The following SMYD2 variants were observed in gnomAD, a reference collection of about 807,000 sequenced individuals.
SMYD2 encodes N-lysine methyltransferase SMYD2.
In SMYD2, 53 loss-of-function variants were observed where a neutral mutation model predicts 59.1. The ratio of observed to expected loss-of-function variants is 0.90; its 90% CI spans 0.72 to 1.13. SMYD2 has a LOEUF of 1.13. Ranked by LOEUF, SMYD2 falls within the 50% of genes most tolerant of loss-of-function variation. SMYD2 has a pLI of 0.00. For synonymous variants in SMYD2, 208 were observed against 198.8 expected (o/e 1.05, Z -0.39); for missense variants, 494 against 544.7 (o/e 0.91, Z 0.93).
chr1:214,310,192 C>T (rs957170955), intron 2 of SMYD2, among the ~76,000 whole-genome samples: 1 of 152,188 alleles, frequency 6.6e-6, no homozygotes, highest in Non-Finnish European at 1.5e-5. Flanking sequence ...GCTGGTGCAC[C>T]ATGAGACAAT....
At chr1:214,314,467 T>C (rs1657049036) in intron 2 of SMYD2, among the ~76,000 whole-genome samples, 1 of 152,136 alleles carries the variant, frequency 6.6e-6, no homozygotes, top group Non-Finnish European at 1.5e-5. Flanking sequence ...TGGAAAGATG[T>C]ATGTGTTGTT....
intron 1 of SMYD2, among the ~76,000 whole-genome samples, chr1:214,281,954 C>T (rs955863965): frequency 6.6e-6 from 1 of 152,202 alleles, no homozygotes; most frequent in Non-Finnish European, 1.5e-5. Context: ...TTAAAGTACG[C>T]TTACATGGGT....
At chr1:214,288,218 CT>C (rs1257183134) in intron 1 of SMYD2, among the ~76,000 whole-genome samples, 1 of 152,224 alleles carries the variant, frequency 6.6e-6, no homozygotes, top group Admixed American at 6.5e-5. Context: ...TCATATTGCT[CT>C]TTGCAGCCCA....
chr1:214,318,087 C>T lies in SMYD2; in HGVS notation c.357C>T (p.His119=), dbSNP rs554801478. ...TARILAKQKI[H]PERTPSEKLL... is the part of the protein sequence containing the mutation. ...TCTTCCCCAATTGCTAGAAAATCCA[C>T]CCAGAGAGAACACCTTCGGAAAAAT... The change falls in exon 4 of 12, where the codon CAC becomes CAT. Residue 119 remains histidine, a synonymous_variant. Coordinates refer to ENST00000366957, the MANE Select transcript of SMYD2 (RefSeq NM_020197.3). This position sits in a 1 kb window ranked among gnomAD's most constrained non-coding sequence, Gnocchi z 5.4. 1.2e-5 allele frequency: 19 copies of T among 1,613,724 alleles called. No individual in the cohort carries two copies. Among genetic ancestry groups the T allele is most frequent in the Non-Finnish European group, 1.6e-5 (19 of 1,179,894 alleles).
At chr1:214,330,865 G>T in intron 8 of SMYD2, 85 bp from the exon 9 acceptor site, 1 of 1,594,132 alleles carries the variant, frequency 6.3e-7, no homozygotes, top group South Asian at 1.1e-5. Context: ...ACCGCTGTGT[G>T]GGAATGTGTA....
chr1:214,334,151 G>T, intron 10 of SMYD2, 49 bp from the exon 11 acceptor site: 1 of 1,555,554 alleles, frequency 6.4e-7, no homozygotes, highest in Non-Finnish European at 8.9e-7. Flanking sequence ...CTGTGGGGCG[G>T]CTCAGTAGCC....
At chr1:214,331,206 T>A in intron 9 of SMYD2, 136 bp downstream of exon 9, 1 of 1,290,868 alleles carries the variant, frequency 7.7e-7, no homozygotes, top group Non-Finnish European at 1.1e-6. Context: ...AGTAAATGTG[T>A]AAAGGCGTAC....
chr1:214,330,070 C>G lies in SMYD2; in HGVS notation c.706-98C>G, dbSNP rs963737373. 1.3e-5 allele frequency: 9 copies of G among 712,944 alleles called. No individual in the cohort carries two copies. In the African/African-American group the frequency reaches 1.6e-4, roughly 13 times the overall value. The allele number at this position is 712,944 out of a possible 1,614,324, so 44.2% of individuals were successfully genotyped here. ...TTCCTCCGCTGCAGCCCGCCTTATC[C>G]TCTGCATGGGCCCTGCAGGTGACTG... On this transcript the variant is annotated intron_variant, in intron 7 of 11. Transcript: ENST00000366957.
At chr1:214,293,382 A>G (rs1471836333) in intron 1 of SMYD2, among the ~76,000 whole-genome samples, 1 of 152,154 alleles carries the variant, frequency 6.6e-6, no homozygotes, top group African/African-American at 2.4e-5. Context: ...ACTTCAGCCC[A>G]CACAGCTTTC....
chr1:214,283,349 C>T (rs1377371769), intron 1 of SMYD2, among the ~76,000 whole-genome samples: 1 of 152,190 alleles, frequency 6.6e-6, no homozygotes, highest in Non-Finnish European at 1.5e-5. Context: ...GGTCCCTCAC[C>T]AGGGCTGCAA....
At chr1:214,332,648 C>G (rs751492270) in intron 10 of SMYD2, 1 of 153,428 alleles carries the variant, frequency 6.5e-6, no homozygotes, top group South Asian at 2.1e-4. Flanking sequence ...GTGGGTTGAC[C>G]GTGGTTATCT....
Position 214,318,675 on chromosome 1 carries a change from T to G in SMYD2, c.410-184T>G, listed in dbSNP as rs1379926719. Among the ~76,000 whole-genome samples the G allele has an allele frequency of 6.6e-6, 1 of 152,032 alleles. No homozygotes were observed. Among genetic ancestry groups the G allele is most frequent in the Non-Finnish European group, 1.5e-5 (1 of 68,020 alleles). ...AGAAGGAAGAAATGGCTTGCTTTCTTTCCTTAGGGTTTGTCAGTTAAACCA... is the reference window on the plus strand; with the variant it reads ...AGAAGGAAGAAATGGCTTGCTTTCTGTCCTTAGGGTTTGTCAGTTAAACCA... On this transcript the variant is annotated intron_variant, in intron 4 of 11. Coordinates refer to ENST00000366957, the MANE Select transcript of SMYD2 (RefSeq NM_020197.3). This position sits in a 1 kb window ranked among gnomAD's most constrained non-coding sequence, Gnocchi z 5.4.
At chr1:214,290,742 T>C (rs1183133240) in intron 1 of SMYD2, among the ~76,000 whole-genome samples, 2 of 152,170 alleles carry the variant, frequency 1.3e-5, no homozygotes, top group South Asian at 2.1e-4. Context: ...TACAGGTTTT[T>C]ATTAGAGCCA....
chr1:214,336,747 A>G lies in SMYD2; in HGVS notation c.1265A>G (p.Tyr422Cys), dbSNP rs150328399. ...GTAGCTCACGGCAAAGATCATCCAT[A>G]TATTTCTGAGATCAAACAGGAAATT... ...MEVAHGKDHPYISEIKQEIES... is the reference protein window; with the variant it reads ...MEVAHGKDHPCISEIKQEIES... The change falls in exon 12 of 12, where the codon TAT (tyrosine) becomes TGT (cysteine). Residue 422 changes from tyrosine (Y) to cysteine (C), a missense_variant. By Grantham distance (194) the Tyr-to-Cys change is radical. Transcript: ENST00000366957. The G allele has an allele frequency of 1.9e-6, 3 of 1,613,848 alleles. No individual in the cohort carries two copies. Among genetic ancestry groups the G allele is most frequent in the Non-Finnish European group, 2.5e-6 (3 of 1,179,968 alleles).
intron 5 of SMYD2, among the ~76,000 whole-genome samples, chr1:214,322,045 C>G (rs1373414842): frequency 6.6e-6 from 1 of 152,118 alleles, no homozygotes; most frequent in African/African-American, 2.4e-5. Flanking sequence ...TCTGACTGGT[C>G]TAAGTGGGCT....
intron 1 of SMYD2, among the ~76,000 whole-genome samples, chr1:214,301,647 A>G (rs116560893): frequency 6.7e-4 from 102 of 152,068 alleles, no homozygotes; most frequent in African/African-American, 2.2e-3. Flanking sequence ...CTCAAATTTT[A>G]TCATTGGCAA....
In SMYD2 at chr1:214,327,873, A is replaced by C. The variant is rs1657288592; in HGVS notation, c.705+149A>C. On this transcript the variant is annotated intron_variant, in intron 7 of 11. Transcript: ENST00000366957. The stretch of plus-strand genomic sequence containing the variant: ...TGAGTCTGCCCTCAGGCTCTCCAGG[A>C]GTCAGTGATCAGATTTGTAACCTGT... 5 of 623,434 alleles carry C rather than the reference A, an allele frequency of 8.0e-6. No individual in the cohort carries two copies. In the South Asian group the frequency reaches 1.0e-4, roughly 13 times the overall value. 38.6% of individuals were successfully genotyped at this position (623,434 alleles called of 1,614,324 possible). A position where few individuals can be genotyped will look rare whatever the true frequency, so the allele number is the denominator to read the frequency against.
chr1:214,314,235 C>T (rs1018826275), intron 2 of SMYD2, among the ~76,000 whole-genome samples: 2 of 152,024 alleles, frequency 1.3e-5, no homozygotes, highest in Non-Finnish European at 2.9e-5. Context: ...TTGGGAAGTC[C>T]TAACTATTCC....
Position 214,332,095 on chromosome 1 carries a change from A to G in SMYD2, c.1015A>G (p.Met339Val). The change falls in exon 10 of 12, where the codon ATG (methionine) becomes GTG (valine). Residue 339 changes from methionine (M) to valine (V), a missense_variant. Coordinates refer to ENST00000366957, the MANE Select transcript of SMYD2 (RefSeq NM_020197.3). Reference sequence around the variant, plus strand: ...TGTGTTTGAGGACAGTAACGTGTACATGTTGCACATGATGTACCAGGCCAT... The same window carrying G: ...TGTGTTTGAGGACAGTAACGTGTACGTGTTGCACATGATGTACCAGGCCAT... ...SSVFEDSNVYMLHMMYQAMGV... is the reference protein window; with the variant it reads ...SSVFEDSNVYVLHMMYQAMGV... 6.2e-7 allele frequency: 1 copy of G among 1,614,168 alleles called. No homozygotes were observed. The highest frequency in any genetic ancestry group is 1.1e-5 in the South Asian group (1 of 91,082).
Sources: allele counts gnomAD v4.1 joint callset (sites outside exome capture counted in the v4.1 genomes callset), GRCh38; gene constraint gnomAD v4.1.1; non-coding constraint Gnocchi (gnomAD v3.1); transcripts MANE v1.5; gene names NCBI Gene and HGNC (gene_info 2026-07-23, HGNC 2026-07-21).